LRRTM4: variants seen among roughly 807,000 people sequenced by gnomAD.
The protein encoded by LRRTM4 is leucine rich repeat transmembrane neuronal 4.
A neutral mutation model predicts 47.6 loss-of-function variants in LRRTM4; 25 were observed. The observed-to-expected ratio is 0.53, with a 90% CI of 0.38 to 0.73. The LOEUF (loss-of-function observed/expected upper bound fraction) is 0.73, where lower values mean the gene tolerates loss of function less well. Among genes scored for constraint, LRRTM4 ranks in the 30% least tolerant of loss-of-function variants. The probability of loss-of-function intolerance (pLI) is 0.00; values close to 1 mark genes in which losing one functional copy is unlikely to be tolerated. For missense variants in LRRTM4, 638 were observed against 713.4 expected, an observed-to-expected ratio of 0.89 and a Z score of 1.20; for synonymous variants, 311 against 269.5, an observed-to-expected ratio of 1.15 and a Z score of -1.51.
intron 3 of LRRTM4, among the ~76,000 whole-genome samples, chr2:77,214,179 C>T (rs1674374040): frequency 6.6e-6 from 1 of 152,138 alleles, no homozygotes; most frequent in Admixed American, 6.6e-5. Flanking sequence ...CAATATAATT[C>T]TAACATGCAA....
At chr2:77,192,840 T>C (rs1231613455) in intron 3 of LRRTM4, among the ~76,000 whole-genome samples, 2 of 152,198 alleles carry the variant, frequency 1.3e-5, no homozygotes, top group Non-Finnish European at 2.9e-5. Flanking sequence ...ATATTAGAAT[T>C]TTTCGAAAGA....
At chr2:77,088,448 A>T (rs1680801193) in intron 3 of LRRTM4, among the ~76,000 whole-genome samples, 1 of 152,090 alleles carries the variant, frequency 6.6e-6, no homozygotes, top group South Asian at 2.1e-4. Context: ...TGGCTCAAAA[A>T]GCACCCCGAC....
chr2:76,958,087 G>A (rs560682065), intron 3 of LRRTM4, among the ~76,000 whole-genome samples: 7 of 151,780 alleles, frequency 4.6e-5, no homozygotes, highest in African/African-American at 1.7e-4. Context: ...TGGGAAAAAG[G>A]AGGTTTCATT....
At chr2:76,795,286 A>G (rs888284508) in intron 3 of LRRTM4, among the ~76,000 whole-genome samples, 28 of 152,196 alleles carry the variant, frequency 1.8e-4, no homozygotes, top group African/African-American at 6.3e-4. Flanking sequence ...TCATATACTT[A>G]TTGTGTACAA....
At chr2:77,248,420 T>G (rs542531353) in intron 3 of LRRTM4, among the ~76,000 whole-genome samples, 1 of 152,008 alleles carries the variant, frequency 6.6e-6, no homozygotes, top group Non-Finnish European at 1.5e-5. Flanking sequence ...TGCAGAGATA[T>G]TCCATGTTTA....
chr2:77,326,055 G>A (rs562466897), intron 3 of LRRTM4, among the ~76,000 whole-genome samples: 4 of 152,234 alleles, frequency 2.6e-5, no homozygotes, highest in Admixed American at 6.5e-5. Context: ...TGAGAAATGC[G>A]CTCCCTTTAT....
intron 1 of LRRTM4, 29 bp from the exon 2 acceptor site, chr2:77,521,847 A>AAC: frequency 2.4e-6 from 1 of 424,592 alleles, no homozygotes; most frequent in Non-Finnish European, 4.1e-6. Context: ...CAAAAAAAAA[A>AAC]AAAAAAAATA....
Position 76,980,210 on chromosome 2 carries a change from C to T in LRRTM4, c.1552-231294G>A, listed in dbSNP as rs143188115. 3.8e-3 allele frequency among the ~76,000 whole-genome samples: 574 copies of T among 152,044 alleles called. 1 individual carries two copies. Among genetic ancestry groups the T allele is most frequent in the Non-Finnish European group, 5.9e-3 (403 of 67,958 alleles). On this transcript the variant is annotated intron_variant, in intron 3 of 3. Coordinates refer to ENST00000409884, the MANE Select transcript of LRRTM4 (RefSeq NM_001134745.3). ...AATGTAATAGAGGCCCAAAGAAAAG[C>T]GAAAATGAGAAATGGAGAAAGTAGT...
At chr2:76,900,653 G>A (rs979625342) in intron 3 of LRRTM4, among the ~76,000 whole-genome samples, 6 of 152,040 alleles carry the variant, frequency 3.9e-5, no homozygotes, top group Non-Finnish European at 8.8e-5. Context: ...GTGAAAGTAT[G>A]TCCATTTAAG....
chr2:77,273,980 TAA>T, intron 3 of LRRTM4, among the ~76,000 whole-genome samples: 1 of 152,258 alleles, frequency 6.6e-6, no homozygotes, highest in Middle Eastern at 3.4e-3. Context: ...TCCTTTTTTT[TAA>T]GTGTCTCCTA....
chr2:77,387,821 G>A (rs1673343826), intron 3 of LRRTM4, among the ~76,000 whole-genome samples: 1 of 152,046 alleles, frequency 6.6e-6, no homozygotes, highest in Non-Finnish European at 1.5e-5. Flanking sequence ...ACAGCTAATA[G>A]TTAATGAGGT....
At chr2:76,942,809 A>G (rs947548820) in intron 3 of LRRTM4, among the ~76,000 whole-genome samples, 1 of 152,082 alleles carries the variant, frequency 6.6e-6, no homozygotes, top group African/African-American at 2.4e-5. Context: ...TACTAAATAC[A>G]TATTAATTTC....
At chr2:77,088,998 C>T (rs577888938) in intron 3 of LRRTM4, among the ~76,000 whole-genome samples, 40 of 152,182 alleles carry the variant, frequency 2.6e-4, no homozygotes, top group Admixed American at 8.5e-4. Flanking sequence ...ACTCCGGCGC[C>T]GGTCACGGAC....
chr2:77,477,096 G>A (rs1677429533), intron 3 of LRRTM4, among the ~76,000 whole-genome samples: 1 of 152,040 alleles, frequency 6.6e-6, no homozygotes. Flanking sequence ...GAATGTGGCT[G>A]AGAGCAAGAG....
chr2:77,081,187 G>T (rs1192599764), intron 3 of LRRTM4, among the ~76,000 whole-genome samples: 2 of 149,300 alleles, frequency 1.3e-5, no homozygotes, highest in Non-Finnish European at 3.0e-5. Context: ...TAAGCCCCAA[G>T]AAGACAGTAA....
chr2:76,997,973 AC>A (rs1444849152), intron 3 of LRRTM4, among the ~76,000 whole-genome samples: 21 of 151,804 alleles, frequency 1.4e-4, no homozygotes, highest in African/African-American at 4.6e-4. Flanking sequence ...GTCTCCCATC[AC>A]CCCAAGATGG....
At chr2:77,419,019 A>G (rs763881459) in intron 3 of LRRTM4, among the ~76,000 whole-genome samples, 3 of 152,176 alleles carry the variant, frequency 2.0e-5, no homozygotes, top group Non-Finnish European at 4.4e-5. Context: ...CTAGATTATA[A>G]GTTTCACAAA....
intron 3 of LRRTM4, among the ~76,000 whole-genome samples, chr2:76,799,432 G>C (rs896836645): frequency 1.6e-5 from 2 of 128,574 alleles, no homozygotes; most frequent in African/African-American, 6.4e-5. Flanking sequence ...CAATAAATTA[G>C]GTATTGATGG....
intron 3 of LRRTM4, among the ~76,000 whole-genome samples, chr2:76,871,787 T>C (rs1477467399): frequency 6.6e-6 from 1 of 152,232 alleles, no homozygotes; most frequent in Non-Finnish European, 1.5e-5. Context: ...TACTGGCTTT[T>C]ATGAAGCCAA....
Sources: gnomAD v4.1 joint callset for allele counts (sites outside exome capture counted in the v4.1 genomes callset) on GRCh38, gnomAD v4.1.1 for gene constraint, MANE v1.5 for transcripts, NCBI Gene and HGNC (gene_info 2026-07-23, HGNC 2026-07-21) for gene names.